RASGRP3: variants seen among roughly 807,000 people sequenced by gnomAD.
RASGRP3 encodes ras guanyl-releasing protein 3.
In RASGRP3, 54 loss-of-function variants were observed where a neutral mutation model predicts 82.7. The observed-to-expected ratio is 0.65, with a 90% CI of 0.52 to 0.82. The LOEUF is 0.82. RASGRP3 is among the 40% of genes least tolerant of loss of function. RASGRP3 has a pLI of 0.00. For synonymous variants in RASGRP3, 309 were observed against 300.5 expected, an observed-to-expected ratio of 1.03 and a Z score of -0.29; for missense variants, 861 against 828.9, an observed-to-expected ratio of 1.04 and a Z score of -0.48.
intron 1 of RASGRP3, among the ~76,000 whole-genome samples, chr2:33,505,159 C>T (rs1670245200): frequency 6.6e-6 from 1 of 151,664 alleles, no homozygotes; most frequent in Middle Eastern, 3.4e-3. Flanking sequence ...ATCATCACCA[C>T]CACCACCACC....
chr2:33,458,546 G>A (rs914270947), intron 2 of RASGRP3, among the ~76,000 whole-genome samples: 1 of 152,164 alleles, frequency 6.6e-6, no homozygotes, highest in African/African-American at 2.4e-5. Context: ...GTGGGTATAG[G>A]TAAAATTCCA....
chr2:33,540,746 G>A (rs1345684759), intron 12 of RASGRP3, among the ~76,000 whole-genome samples: 2 of 143,898 alleles, frequency 1.4e-5, no homozygotes, highest in East Asian at 1.9e-4. Flanking sequence ...ATTTTACTCC[G>A]CAAAAAATCT....
intron 1 of RASGRP3, among the ~76,000 whole-genome samples, chr2:33,503,204 T>A (rs1574360049): frequency 6.6e-6 from 1 of 152,250 alleles, no homozygotes; most frequent in East Asian, 1.9e-4. Context: ...TTAAAACATT[T>A]TTGAAATGAA....
At chr2:33,497,640 T>A (rs1418131892) in intron 1 of RASGRP3, among the ~76,000 whole-genome samples, 4 of 152,224 alleles carry the variant, frequency 2.6e-5, no homozygotes. Context: ...TACTGACATT[T>A]CTAAATGTAT....
chr2:33,486,853 G>A (rs1574314139), intron 1 of RASGRP3, among the ~76,000 whole-genome samples: 6 of 152,008 alleles, frequency 3.9e-5, no homozygotes, highest in Admixed American at 6.6e-5. Flanking sequence ...GAAGAGGGAC[G>A]GGAGAAAAGG....
intron 1 of RASGRP3, among the ~76,000 whole-genome samples, chr2:33,445,051 C>G (rs1399453684): frequency 6.6e-6 from 1 of 152,212 alleles, no homozygotes; most frequent in Non-Finnish European, 1.5e-5. Context: ...ATTGTGACCA[C>G]TTGCTGATGT....
chr2:33,540,554 TTTTGTG>T (rs1207584309), intron 12 of RASGRP3, among the ~76,000 whole-genome samples: 1,454 of 26,136 alleles, frequency 0.056, 72 homozygotes, highest in South Asian at 0.12. Context: ...TGTGTGTGTG[TTTTGTG>T]TGTGTGTGTG....
intron 10 of RASGRP3, chr2:33,532,312 A>G (rs974710248): frequency 1.3e-4 from 20 of 152,194 alleles, no homozygotes; most frequent in African/African-American, 4.8e-4. Flanking sequence ...GCTGACAGCA[A>G]TTTGTCATCA....
At chr2:33,480,359 T>C (rs925912844) in intron 1 of RASGRP3, among the ~76,000 whole-genome samples, 8 of 152,124 alleles carry the variant, frequency 5.3e-5, no homozygotes, top group Non-Finnish European at 1.2e-4. Flanking sequence ...AAAGAAGAAT[T>C]TTTAATCTTT....
intron 2 of RASGRP3, among the ~76,000 whole-genome samples, chr2:33,468,042 T>TTCTC (rs1424194751): frequency 1.5e-5 from 2 of 132,112 alleles, no homozygotes; most frequent in Non-Finnish European, 3.3e-5. Context: ...CTTTCTTTCT[T>TTCTC]TCTCTCTTAG....
At chr2:33,554,170 C>T (rs575013692) in intron 14 of RASGRP3, among the ~76,000 whole-genome samples, 2 of 152,330 alleles carry the variant, frequency 1.3e-5, no homozygotes, top group East Asian at 3.9e-4. Context: ...TCTTGAGTCA[C>T]TTCACATTGG....
chr2:33,534,193 T>C, intron 10 of RASGRP3, 130 bp from the exon 11 acceptor site: 1 of 657,920 alleles, frequency 1.5e-6, no homozygotes, highest in East Asian at 2.7e-5. Context: ...GTGCCGTCTT[T>C]TTATTGTTCT....
intron 2 of RASGRP3, among the ~76,000 whole-genome samples, chr2:33,469,618 C>T (rs1480007087): frequency 6.6e-6 from 1 of 151,998 alleles, no homozygotes; most frequent in African/African-American, 2.4e-5. Context: ...GGCCACCATG[C>T]CCAGCTAATT....
chr2:33,534,382 G>A lies in RASGRP3; in HGVS notation c.1143G>A (p.Glu381=). The part of the protein sequence containing the change: ...DDIYKLSLVL[E]PRNSKSQPTS... ...TTTACAAACTGTCACTGGTGCTGGA[G>A]CCTAGAAATTCTAAATCGGTAGGTA... Residue 381 remains glutamate, a synonymous_variant, in exon 11 of 18, where the codon GAG becomes GAA. Coordinates refer to ENST00000403687, the MANE Select transcript of RASGRP3 (RefSeq NM_001139488.2). 1.3e-6 allele frequency: 2 copies of A among 1,572,430 alleles called. No homozygotes were observed. Among genetic ancestry groups the A allele is most frequent in the Non-Finnish European group, 1.7e-6 (2 of 1,144,518 alleles).
At chr2:33,541,809 A>G (rs1674304875) in intron 12 of RASGRP3, among the ~76,000 whole-genome samples, 1 of 147,690 alleles carries the variant, frequency 6.8e-6, no homozygotes, top group South Asian at 2.1e-4. Context: ...TTTATTAAAT[A>G]AAATATTTTT....
chr2:33,541,167 T>G (rs1674251755), intron 12 of RASGRP3, among the ~76,000 whole-genome samples: 1 of 147,156 alleles, frequency 6.8e-6, no homozygotes, highest in South Asian at 2.2e-4. Flanking sequence ...AATGGGAAAC[T>G]TTTTTTATTC....
At chr2:33,448,784 A>AATTG (rs1447055691) in intron 2 of RASGRP3, among the ~76,000 whole-genome samples, 1 of 152,204 alleles carries the variant, frequency 6.6e-6, no homozygotes, top group East Asian at 1.9e-4. Context: ...ACCACTGAAT[A>AATTG]GTACACGTAA....
intron 1 of RASGRP3, among the ~76,000 whole-genome samples, chr2:33,500,465 G>A (rs1669758523): frequency 6.6e-6 from 1 of 152,130 alleles, no homozygotes; most frequent in Non-Finnish European, 1.5e-5. Context: ...GGAGATGAAG[G>A]GCAGTGGGCG....
chr2:33,539,235 A>C, intron 12 of RASGRP3, 25 bp downstream of exon 12: 1 of 1,490,340 alleles, frequency 6.7e-7, no homozygotes, highest in Non-Finnish European at 9.2e-7. Context: ...GAGAATAAAG[A>C]GAGGGCACTA....
Sources: gnomAD v4.1 joint callset for allele counts (sites outside exome capture counted in the v4.1 genomes callset) on GRCh38, gnomAD v4.1.1 for gene constraint, MANE v1.5 for transcripts, NCBI Gene and HGNC (gene_info 2026-07-23, HGNC 2026-07-21) for gene names.